The following LRRC37A2 variants were observed in gnomAD, a reference collection of about 807,000 sequenced individuals.
LRRC37A2 encodes the protein leucine-rich repeat-containing protein 37A2.
LRRC37A2 carries 9 observed loss-of-function variants against 68.8 expected under a neutral mutation model. The ratio of observed to expected loss-of-function variants is 0.13; its 90% CI spans 0.08 to 0.23. The LOEUF is 0.23. Among genes scored for constraint, LRRC37A2 ranks in the 10% least tolerant of loss-of-function variants. The pLI, the probability that LRRC37A2 is intolerant of heterozygous loss-of-function variation, is 1.00. For synonymous variants in LRRC37A2, 63 were observed against 367.6 expected (o/e 0.17, Z 9.48); for missense variants, 168 against 950.4 (o/e 0.18, Z 10.82).
At chr17:46,818,633 C>A in the LRRC37A2 span, 1 of 1,556,842 alleles carries the variant, frequency 6.4e-7, no homozygotes, top group Non-Finnish European at 8.7e-7. Flanking sequence ...TGCCCGCGAC[C>A]ATGAAGAGGG....
At chr17:46,783,402 C>T in the LRRC37A2 span, among the ~76,000 whole-genome samples, 1 of 152,224 alleles carries the variant, frequency 6.6e-6, no homozygotes, top group Non-Finnish European at 1.5e-5. Flanking sequence ...ACTCAACACG[C>T]ACGAATTGAG....
chr17:46,842,562 G>A, the LRRC37A2 span, among the ~76,000 whole-genome samples: 1 of 152,050 alleles, frequency 6.6e-6, no homozygotes, highest in African/African-American at 2.4e-5. Context: ...TGTAGAGATG[G>A]GATCTTGCTT....
chr17:46,768,350 A>C, the LRRC37A2 span: 4 of 1,613,666 alleles, frequency 2.5e-6, no homozygotes, highest in Non-Finnish European at 3.4e-6. This position sits in a 1 kb window ranked among gnomAD's most constrained non-coding sequence, Gnocchi z 5.0. Flanking sequence ...CGTAGATGCG[A>C]ATACACTCCT....
At chr17:47,033,014 C>T in the LRRC37A2 span, among the ~76,000 whole-genome samples, 3 of 151,942 alleles carry the variant, frequency 2.0e-5, no homozygotes, top group African/African-American at 2.4e-5. Flanking sequence ...CTCAGAATTT[C>T]GAGACCAGCC....
At chr17:46,947,246 G>C in the LRRC37A2 span, among the ~76,000 whole-genome samples, 1 of 152,150 alleles carries the variant, frequency 6.6e-6, no homozygotes, top group Non-Finnish European at 1.5e-5. Context: ...TGCTCAGGAA[G>C]CAGGGCAGCC....
the LRRC37A2 span, among the ~76,000 whole-genome samples, chr17:46,956,878 G>A: frequency 1.3e-5 from 2 of 152,150 alleles, no homozygotes; most frequent in Admixed American, 6.5e-5. Context: ...GCGAGCATGT[G>A]GCAAGAAAGG....
At chr17:46,821,765 C>T in the LRRC37A2 span, among the ~76,000 whole-genome samples, 1 of 152,188 alleles carries the variant, frequency 6.6e-6, no homozygotes, top group African/African-American at 2.4e-5. Flanking sequence ...CCAACCCAAC[C>T]CCTCTCTCTA....
chr17:46,739,315 G>A, the LRRC37A2 span, among the ~76,000 whole-genome samples: 9 of 144,368 alleles, frequency 6.2e-5, no homozygotes, highest in East Asian at 8.2e-4. Context: ...AGGTTGCAGC[G>A]AGCCGAGATC....
At chr17:46,714,017 C>T in the LRRC37A2 span, 1 of 1,592,288 alleles carries the variant, frequency 6.3e-7, no homozygotes, top group Non-Finnish European at 8.5e-7. Flanking sequence ...TTTTAATTTC[C>T]TATCTCTTAA....
chr17:46,965,616 C>T, the LRRC37A2 span, among the ~76,000 whole-genome samples: 1 of 68,626 alleles, frequency 1.5e-5, no homozygotes, highest in Non-Finnish European at 3.1e-5. Context: ...TCCAGCAATG[C>T]TATGCCTTCT....
At chr17:46,790,696 G>C in the LRRC37A2 span, among the ~76,000 whole-genome samples, 1 of 151,990 alleles carries the variant, frequency 6.6e-6, no homozygotes, top group Non-Finnish European at 1.5e-5. Context: ...CTCTCTCCTT[G>C]GCCTCTCAGC....
At chr17:46,762,430 C>T in the LRRC37A2 span, 1 of 151,888 alleles carries the variant, frequency 6.6e-6, no homozygotes, top group African/African-American at 2.4e-5. Context: ...TAGCTGAGGC[C>T]ACCATGTTCA....
the LRRC37A2 span, among the ~76,000 whole-genome samples, chr17:46,741,626 CAA>C: frequency 6.6e-6 from 1 of 151,966 alleles, no homozygotes; most frequent in Admixed American, 6.6e-5. Context: ...GGCATTTAAA[CAA>C]GAGAAATCAG....
At chr17:46,755,992 C>G in the LRRC37A2 span, 318 of 620,882 alleles carry the variant, frequency 5.1e-4, 1 homozygote, top group Non-Finnish European at 8.1e-4. Context: ...CTTATGCATA[C>G]TGAGATAGCT....
the LRRC37A2 span, among the ~76,000 whole-genome samples, chr17:46,472,923 AATAT>A: frequency 3.1e-5 from 2 of 64,160 alleles, no homozygotes; most frequent in Admixed American, 1.5e-4. Flanking sequence ...TCAAAAAAAA[AATAT>A]ATATATATAT....
At chr17:46,477,611 G>T in the LRRC37A2 span, among the ~76,000 whole-genome samples, 1 of 57,488 alleles carries the variant, frequency 1.7e-5, no homozygotes, top group East Asian at 2.8e-4. Context: ...AATTTTGGGG[G>T]CTGCTTTATT....
At chr17:46,823,174 T>TTATATATAATATATTTTATATATA in the LRRC37A2 span, among the ~76,000 whole-genome samples, 4 of 128,918 alleles carry the variant, frequency 3.1e-5, no homozygotes, top group African/African-American at 1.3e-4. Flanking sequence ...TATTATATAT[T>TTATATATAATATATTTTATATATA]TATATATAAT....
At chr17:46,805,196 A>G in the LRRC37A2 span, among the ~76,000 whole-genome samples, 1,154 of 152,150 alleles carry the variant, frequency 7.6e-3, 15 homozygotes, top group African/African-American at 0.026. Flanking sequence ...CTGGAATCCC[A>G]GCACTTTGAG....
At chr17:46,876,468 C>T in the LRRC37A2 span, 23 of 1,613,572 alleles carry the variant, frequency 1.4e-5, no homozygotes, top group African/African-American at 2.7e-4. Context: ...AAAGGCCTGG[C>T]CCCAAGGTCT....
Sources: gnomAD v4.1 joint callset for allele counts (sites outside exome capture counted in the v4.1 genomes callset) on GRCh38, gnomAD v4.1.1 for gene constraint, Gnocchi (gnomAD v3.1) non-coding constraint, MANE v1.5 for transcripts, NCBI Gene and HGNC (gene_info 2026-07-23, HGNC 2026-07-21) for gene names.